PSIP1: variants seen among roughly 807,000 people sequenced by gnomAD.
PSIP1 encodes PC4 and SFRS1-interacting protein.
PSIP1 carries 19 observed loss-of-function variants against 74.7 expected under a neutral mutation model. That is an observed-to-expected ratio of 0.25 (90% confidence interval 0.18 to 0.37). The LOEUF (loss-of-function observed/expected upper bound fraction) is 0.37. Among genes scored for constraint, PSIP1 ranks in the 10% least tolerant of loss-of-function variants. PSIP1 has a pLI of 1.00. For synonymous variants in PSIP1, 222 were observed against 195.3 expected (o/e 1.14, Z -1.14); for missense variants, 601 against 614.3 (o/e 0.98, Z 0.23).
chr9:15,499,867 C>G (rs1245852720), intron 3 of PSIP1, among the ~76,000 whole-genome samples: 1 of 145,862 alleles, frequency 6.9e-6, no homozygotes, highest in African/African-American at 2.6e-5. Context: ...GAGCAAGAGA[C>G]TCTGTCTCAA....
intron 3 of PSIP1, among the ~76,000 whole-genome samples, chr9:15,495,923 A>G (rs2037052591): frequency 6.6e-6 from 1 of 152,176 alleles, no homozygotes; most frequent in Admixed American, 6.5e-5. Flanking sequence ...CATTTATGTT[A>G]AATTCAAATT....
intron 3 of PSIP1, among the ~76,000 whole-genome samples, chr9:15,503,106 C>T (rs975087634): frequency 6.6e-6 from 1 of 152,232 alleles, no homozygotes; most frequent in Non-Finnish European, 1.5e-5. Context: ...GAGGCTCATA[C>T]CTGTAATCCC....
chr9:15,472,525 C>G (rs1313186067), intron 10 of PSIP1, 107 bp downstream of exon 10: 1 of 1,464,062 alleles, frequency 6.8e-7, no homozygotes, highest in African/African-American at 1.5e-5. Flanking sequence ...GGAAAAGTCA[C>G]TTCTTCAAAA....
intron 3 of PSIP1, among the ~76,000 whole-genome samples, chr9:15,493,286 A>G (rs2036919245): frequency 6.6e-6 from 1 of 152,194 alleles, no homozygotes; most frequent in South Asian, 2.1e-4. Context: ...GCAGAGCAAG[A>G]GTGATCTTTA....
At chr9:15,473,776 C>T (rs2035943964) in intron 9 of PSIP1, among the ~76,000 whole-genome samples, 1 of 151,950 alleles carries the variant, frequency 6.6e-6, no homozygotes, top group African/African-American at 2.4e-5. Context: ...TGGCACATGC[C>T]TGTACTTCCA....
chr9:15,496,245 T>C (rs2037068580), intron 3 of PSIP1, among the ~76,000 whole-genome samples: 1 of 152,220 alleles, frequency 6.6e-6, no homozygotes, highest in Non-Finnish European at 1.5e-5. Context: ...GGACTGTTAC[T>C]TAGCTAAGTC....
At chr9:15,491,678 C>A (rs997153362) in intron 3 of PSIP1, among the ~76,000 whole-genome samples, 6 of 152,144 alleles carry the variant, frequency 3.9e-5, no homozygotes, top group African/African-American at 9.7e-5. Context: ...ACTCTAAAGT[C>A]AAAAAATCTA....
chr9:15,474,251 C>CA lies in PSIP1; in HGVS notation c.630-15dup, dbSNP rs1392622547. The CA allele has an allele frequency of 6.3e-7, 1 of 1,579,418 alleles. No homozygotes were observed. Among genetic ancestry groups the CA allele is most frequent in the African/African-American group, 1.4e-5 (1 of 73,352 alleles). The stretch of plus-strand genomic sequence containing the variant: ...TCTTCAGTAATGCTATTTTAGAGAA[C>CA]ATAACAATGTATACTTGTCATTCAA... On this transcript the variant is annotated splice_polypyrimidine_tract_variant and intron_variant, in intron 8 of 15. Coordinates refer to ENST00000380733, the MANE Select transcript of PSIP1 (RefSeq NM_033222.5).
At chr9:15,494,231 A>G (rs2036967768) in intron 3 of PSIP1, among the ~76,000 whole-genome samples, 1 of 152,238 alleles carries the variant, frequency 6.6e-6, no homozygotes, top group South Asian at 2.1e-4. Context: ...AGAATTTTAA[A>G]AAGGCTCTAA....
At position 15,498,410 on chromosome 9, in the gene PSIP1, C is replaced by T. The variant is rs1407510226; in HGVS notation, c.149+8151G>A. 2.0e-5 allele frequency among the ~76,000 whole-genome samples: 3 copies of T among 151,662 alleles called. No homozygotes were observed. In the East Asian group the frequency reaches 5.8e-4, roughly 29 times the overall value. On this transcript the variant is annotated intron_variant, in intron 3 of 15. Transcript: ENST00000380733. ...CAGCCTGGGTGACAGAGTGAGGCTC[C>T]GTTTCAAAACACAAAACAAAACAAA...
chr9:15,474,218 T>C lies in PSIP1; in HGVS notation c.649A>G (p.Ser217Gly), dbSNP rs754738399. The change falls in exon 9 of 16, where the codon AGT becomes GGT. Residue 217 changes from serine (S) to glycine (G), a missense_variant. Ser to Gly is a moderately conservative substitution (Grantham distance 56). Coordinates refer to ENST00000380733, the MANE Select transcript of PSIP1 (RefSeq NM_033222.5). ...TTTTCCTCTTGCCCCTTTTTCTTAC[T>C]TTTGTCCTCTTCAGTAATGCTATTT... ...ESDIITEEDK[S>G]KKKGQEEKQP... 2.2e-5 allele frequency: 36 copies of C among 1,611,196 alleles called. No individual in the cohort carries two copies. The highest frequency in any genetic ancestry group is 2.8e-5 in the Non-Finnish European group (33 of 1,179,370).
chr9:15,506,018 T>C (rs1038808941), intron 3 of PSIP1: 1 of 152,318 alleles, frequency 6.6e-6, no homozygotes, highest in African/African-American at 2.4e-5. Context: ...AGTGATCCCA[T>C]GCACTTGGCA....
intron 3 of PSIP1, among the ~76,000 whole-genome samples, chr9:15,491,089 T>C (rs554213004): frequency 3.0e-4 from 45 of 152,344 alleles, no homozygotes; most frequent in African/African-American, 9.4e-4. Context: ...ATTCATTTTA[T>C]GTGTGTTTCT....
rs759060429 is a variant in PSIP1, at chr9:15,486,021, C to A, written c.441G>T (p.Arg147Ser). The stretch of plus-strand genomic sequence containing the variant: ...GTGAAATTACCTTTCTCTTTCTCCC[C>A]CTTCTGGCAGCTTTTGGAGTAGTTA... ...VDITTPKAARRGRKRKAEKQV... is the reference protein window; with the variant it reads ...VDITTPKAARSGRKRKAEKQV... Residue 147 changes from arginine to serine, a missense_variant, in exon 6 of 16, where the codon AGG becomes AGT. Physicochemically the swap from Arg to Ser is moderately radical, Grantham distance 110. Transcript: ENST00000380733. 2 of 1,609,450 alleles carry A rather than the reference C, an allele frequency of 1.2e-6. No homozygotes were observed. The highest frequency in any genetic ancestry group is 1.7e-6 in the Non-Finnish European group (2 of 1,176,528).
At chr9:15,488,888 G>A (rs1587506751) in intron 4 of PSIP1, among the ~76,000 whole-genome samples, 2 of 152,134 alleles carry the variant, frequency 1.3e-5, no homozygotes, top group East Asian at 1.9e-4. Context: ...GGGTGTGGTG[G>A]CGGGCACCTG....
At chr9:15,500,163 G>A (rs909667819) in intron 3 of PSIP1, among the ~76,000 whole-genome samples, 2 of 152,076 alleles carry the variant, frequency 1.3e-5, no homozygotes, top group African/African-American at 2.4e-5. Flanking sequence ...TCATGAACCT[G>A]CTGGTAAAGA....
chr9:15,471,815 C>A, intron 10 of PSIP1: 1 of 954,692 alleles, frequency 1.0e-6, no homozygotes, highest in Non-Finnish European at 1.2e-6. Flanking sequence ...TCATCATTAA[C>A]TTTGTCTTAT....
chr9:15,502,026 C>T (rs1311079211), intron 3 of PSIP1, among the ~76,000 whole-genome samples: 1 of 151,948 alleles, frequency 6.6e-6, no homozygotes, highest in Non-Finnish European at 1.5e-5. Context: ...AGCATTAGAT[C>T]CTCACAGAAG....
rs554175946 is a variant in PSIP1 at position 15,507,093 on chromosome 9, T to C, written c.73-456A>G. 1.4e-4 allele frequency among the ~76,000 whole-genome samples: 22 copies of C among 152,306 alleles called. No homozygotes were observed. In the South Asian group the frequency reaches 3.7e-3, roughly 26 times the overall value. On this transcript the variant is annotated intron_variant, in intron 2 of 15. Coordinates refer to ENST00000380733, the MANE Select transcript of PSIP1 (RefSeq NM_033222.5). ...GAAATCTATACAAATAACAGACTAA[T>C]GTAAAAGCAGACATTGACAAAAGTT...
Sources: allele counts gnomAD v4.1 joint callset (sites outside exome capture counted in the v4.1 genomes callset), GRCh38; gene constraint gnomAD v4.1.1; transcripts MANE v1.5; gene names NCBI Gene and HGNC (gene_info 2026-07-23, HGNC 2026-07-21).